The following CREB5 variants were observed in gnomAD, a reference collection of about 807,000 sequenced individuals.
CREB5 encodes the protein cAMP responsive element binding protein 5, also known as cyclic AMP-responsive element-binding protein 5.
Under a neutral mutation model 57.1 loss-of-function variants are expected in CREB5, and 19 were observed. That is an observed-to-expected ratio of 0.33 (90% CI 0.23 to 0.49). CREB5 has a LOEUF of 0.49. Ranked by LOEUF, CREB5 falls within the 20% of genes least tolerant of loss-of-function variation. The pLI, the probability that CREB5 is intolerant of heterozygous loss-of-function variation, is 0.99. For missense variants in CREB5, 579 were observed against 671.6 expected, an observed-to-expected ratio of 0.86 and a Z score of 1.52; for synonymous variants, 238 against 238.3, an observed-to-expected ratio of 1.00 and a Z score of 0.01.
intron 5 of CREB5, among the ~76,000 whole-genome samples, chr7:28,634,407 G>A (rs1297860765): frequency 6.6e-6 from 1 of 152,074 alleles, no homozygotes; most frequent in Non-Finnish European, 1.5e-5. Flanking sequence ...TACTCTTAAT[G>A]AAAAATATTT....
chr7:28,500,971 A>G (rs1055600278), intron 3 of CREB5, among the ~76,000 whole-genome samples: 3 of 152,194 alleles, frequency 2.0e-5, no homozygotes, highest in Non-Finnish European at 2.9e-5. Context: ...ACCAGAGGGC[A>G]GCATGGTAAT....
In CREB5 at chr7:28,718,773, C is replaced by G. The variant is rs1164662321; in HGVS notation, c.485C>G (p.Ser162Cys). The G allele has an allele frequency of 6.8e-6, 11 of 1,614,048 alleles. No homozygotes were observed. The highest frequency in any genetic ancestry group is 1.7e-5 in the Admixed American group (1 of 60,014). ...CCCAGGCCTGTCCCAGGCTCTCTAT[C>G]TTCTCTGCTACATCTCCACAACAGA... ...RQIGPVPGSL[S>C]SLLHLHNRQR... The change falls in exon 6 of 11, where the codon TCT becomes TGT. Residue 162 changes from serine (S) to cysteine (C), a missense_variant. This residue lies in a region of CREB5 where 459 missense variants were observed against 515.7 expected (regional missense o/e 0.89). Coordinates refer to ENST00000357727, the MANE Select transcript of CREB5 (RefSeq NM_182898.4).
chr7:28,551,939 CTCTCTTTTTTATTCTT>C (rs1241852319), intron 4 of CREB5, among the ~76,000 whole-genome samples: 1,653 of 116,564 alleles, frequency 0.014, 31 homozygotes, highest in African/African-American at 0.048. Context: ...TTTCTTTTTT[CTCTCTTTTTTATTCTT>C]TCTCTTTTTT....
chr7:28,764,244 TA>T (rs1805829728), intron 7 of CREB5, among the ~76,000 whole-genome samples: 1 of 152,284 alleles, frequency 6.6e-6, no homozygotes, highest in African/African-American at 2.4e-5. Context: ...GTTCTCTTAT[TA>T]TTTTTTTTAA....
intron 5 of CREB5, among the ~76,000 whole-genome samples, chr7:28,591,996 C>T (rs955818999): frequency 1.3e-5 from 2 of 152,074 alleles, no homozygotes; most frequent in Non-Finnish European, 2.9e-5. Context: ...AACCCATGGT[C>T]ATTGGTTCTG....
intron 4 of CREB5, chr7:28,513,395 T>C (rs1792799245): frequency 6.6e-6 from 1 of 152,164 alleles, no homozygotes; most frequent in Non-Finnish European, 1.5e-5. Flanking sequence ...GTTTTGAAAA[T>C]GTCCCCGTGT....
At chr7:28,587,759 T>C (rs1796354643) in intron 5 of CREB5, among the ~76,000 whole-genome samples, 1 of 152,188 alleles carries the variant, frequency 6.6e-6, no homozygotes, top group Non-Finnish European at 1.5e-5. Flanking sequence ...AATTCAGCCT[T>C]GACTACACAC....
At chr7:28,339,380 C>T (rs1451955350) in intron 1 of CREB5, among the ~76,000 whole-genome samples, 1 of 152,204 alleles carries the variant, frequency 6.6e-6, no homozygotes, top group African/African-American at 2.4e-5. Context: ...TTCTTGCAGA[C>T]TTTTAGAGAT....
chr7:28,806,561 A>G (rs1287600130), intron 8 of CREB5, among the ~76,000 whole-genome samples: 1 of 152,224 alleles, frequency 6.6e-6, no homozygotes. Context: ...ATTCTGCTTT[A>G]AAAATAAAAT....
At chr7:28,633,215 G>T (rs1045682451) in intron 5 of CREB5, among the ~76,000 whole-genome samples, 1 of 152,156 alleles carries the variant, frequency 6.6e-6, no homozygotes, top group Non-Finnish European at 1.5e-5. Flanking sequence ...CAAACAGACT[G>T]GTTGGCTATA....
chr7:28,410,682 T>C, upstream of CREB5: 1 of 392,182 alleles, frequency 2.5e-6, no homozygotes, highest in Non-Finnish European at 5.1e-6. Flanking sequence ...GTCTGCAGAA[T>C]GTGTTTGATT....
chr7:28,742,936 C>T (rs1220230212), intron 7 of CREB5, among the ~76,000 whole-genome samples: 1 of 152,092 alleles, frequency 6.6e-6, no homozygotes, highest in Non-Finnish European at 1.5e-5. Flanking sequence ...GTGTGCACCA[C>T]CATGTCCAGC....
chr7:28,449,686 C>A (rs746348421), intron 1 of CREB5, among the ~76,000 whole-genome samples: 1 of 152,138 alleles, frequency 6.6e-6, no homozygotes, highest in African/African-American at 2.4e-5. Flanking sequence ...GTTGCTTGAC[C>A]AAATCATGTG....
chr7:28,591,405 G>C (rs555999937), intron 5 of CREB5, among the ~76,000 whole-genome samples: 2 of 152,068 alleles, frequency 1.3e-5, no homozygotes, highest in East Asian at 1.9e-4. Flanking sequence ...CCCAGGCCTC[G>C]TGTTTTATGG....
At chr7:28,670,712 A>G (rs1168781485) in intron 5 of CREB5, among the ~76,000 whole-genome samples, 1 of 152,222 alleles carries the variant, frequency 6.6e-6, no homozygotes, top group African/African-American at 2.4e-5. Context: ...AAATCAATAC[A>G]AGTCAAAACA....
chr7:28,476,132 A>T (rs1312434708), intron 1 of CREB5, among the ~76,000 whole-genome samples: 2 of 152,240 alleles, frequency 1.3e-5, no homozygotes, highest in Non-Finnish European at 2.9e-5. Flanking sequence ...AAGTTGGAAC[A>T]CAGACCTGTC....
intron 2 of CREB5, among the ~76,000 whole-genome samples, chr7:28,492,339 T>C (rs545339113): frequency 6.6e-6 from 1 of 152,322 alleles, no homozygotes; most frequent in East Asian, 1.9e-4. Flanking sequence ...ACATTATCTT[T>C]GTCTCAGAAG....
At position 28,821,602 on chromosome 7, in the gene CREB5, G is replaced by A. The variant is rs1809775780; in HGVS notation, c.*2323G>A. On this transcript the variant is annotated 3_prime_UTR_variant, in exon 11 of 11. Transcript: ENST00000357727. ...AGTTGTTGTTTTTTAAATTCCAACAGTAACAGCTGAATGGTTTAATCTGAC... is the reference window on the plus strand; with the variant it reads ...AGTTGTTGTTTTTTAAATTCCAACAATAACAGCTGAATGGTTTAATCTGAC... The A allele has an allele frequency of 6.6e-6, 1 of 152,044 alleles. No individual in the cohort carries two copies. 9.4% of individuals were successfully genotyped at this position (152,044 alleles called of 1,614,324 possible). A position where few individuals can be genotyped will look rare whatever the true frequency, so the allele number is the denominator to read the frequency against.
intron 4 of CREB5, among the ~76,000 whole-genome samples, chr7:28,543,348 A>G (rs1277660313): frequency 1.3e-5 from 2 of 152,214 alleles, no homozygotes; most frequent in African/African-American, 4.8e-5. Context: ...ACTAAAACTT[A>G]TAGCATTCCA....
Sources: gnomAD v4.1 joint callset for allele counts (sites outside exome capture counted in the v4.1 genomes callset) on GRCh38, gnomAD v4.1.1 for gene constraint, gnomAD v4.1.1 regional missense constraint, MANE v1.5 for transcripts, NCBI Gene and HGNC (gene_info 2026-07-23, HGNC 2026-07-21) for gene names.